Variants in PDE4D observed in about 807,000 individuals in gnomAD.
PDE4D encodes the protein phosphodiesterase 4D.
Under a neutral mutation model 87.4 loss-of-function variants are expected in PDE4D, and 24 were observed. That is an observed-to-expected ratio of 0.27 (90% CI 0.20 to 0.39). PDE4D has a LOEUF of 0.39. PDE4D is among the 10% of genes least tolerant of loss of function. The pLI, the probability that PDE4D is intolerant of heterozygous loss-of-function variation, is 1.00. For synonymous variants in PDE4D, 384 were observed against 383.2 expected (o/e 1.00, Z -0.02); for missense variants, 714 against 1,041.0 (o/e 0.69, Z 4.32).
intron 2 of PDE4D, among the ~76,000 whole-genome samples, chr5:60,135,081 C>T (rs1779922895): frequency 6.6e-6 from 1 of 152,180 alleles, no homozygotes; most frequent in Non-Finnish European, 1.5e-5. Context: ...AATGTATATT[C>T]TAAGACCTAA....
chr5:59,747,014 C>G (rs557160176), intron 1 of PDE4D, among the ~76,000 whole-genome samples: 1 of 152,154 alleles, frequency 6.6e-6, no homozygotes, highest in Non-Finnish European at 1.5e-5. Flanking sequence ...CTCTCTCCAG[C>G]GCAAACTCTT....
Position 59,276,475 on chromosome 5 carries a change from C to T in PDE4D, c.456-60507G>A, listed in dbSNP as rs544093468. On this transcript the variant is annotated intron_variant, in intron 1 of 14. Transcript: ENST00000340635. ...CTCTTTAGAAGCAAAGTTGAGAGAA[C>T]TTGATGACTTAGCAGCTGTTCATTT... is the stretch of plus-strand genomic sequence containing the variant. Among the ~76,000 whole-genome samples the T allele has an allele frequency of 5.3e-5, 8 of 152,232 alleles. No homozygotes were observed. The East Asian group carries it at 9.7e-4, about 18-fold the overall frequency.
chr5:59,849,019 C>A, intron 1 of PDE4D, among the ~76,000 whole-genome samples: 1 of 151,940 alleles, frequency 6.6e-6, no homozygotes, highest in East Asian at 1.9e-4. Context: ...TCATACAACT[C>A]GGCGCTGTGA....
intron 2 of PDE4D, among the ~76,000 whole-genome samples, chr5:60,128,852 C>T (rs1251671614): frequency 6.6e-6 from 1 of 152,146 alleles, no homozygotes; most frequent in African/African-American, 2.4e-5. Context: ...AACCAAATAG[C>T]AGTTAATTTG....
At chr5:59,789,197 GT>G (rs1765510270) in intron 1 of PDE4D, among the ~76,000 whole-genome samples, 1 of 152,212 alleles carries the variant, frequency 6.6e-6, no homozygotes, top group Non-Finnish European at 1.5e-5. Context: ...GTTGTTTCAA[GT>G]GGTGAAGACC....
At chr5:59,429,098 T>C (rs1054265716) in intron 1 of PDE4D, among the ~76,000 whole-genome samples, 9 of 150,654 alleles carry the variant, frequency 6.0e-5, no homozygotes, top group Non-Finnish European at 8.8e-5. Flanking sequence ...AAAAGTTGAT[T>C]ACTTTAAAGC....
intron 5 of PDE4D, 179 bp from the exon 6 acceptor site, chr5:59,039,150 G>C: frequency 7.4e-7 from 1 of 1,356,874 alleles, no homozygotes; most frequent in East Asian, 3.0e-5. Context: ...GGCTGTGCTC[G>C]CGGGGCGGCC....
At chr5:59,643,536 A>G (rs1741954568) in intron 1 of PDE4D, among the ~76,000 whole-genome samples, 1 of 152,230 alleles carries the variant, frequency 6.6e-6, no homozygotes, top group South Asian at 2.1e-4. Flanking sequence ...AATTTACTAA[A>G]TTGTGTAATT....
intron 1 of PDE4D, among the ~76,000 whole-genome samples, chr5:59,319,542 A>T (rs1774348121): frequency 6.6e-6 from 1 of 152,164 alleles, no homozygotes; most frequent in South Asian, 2.1e-4. Context: ...TGGAAATTAC[A>T]TAGCTATGGC....
chr5:59,626,742 A>G (rs1245479280), intron 1 of PDE4D, among the ~76,000 whole-genome samples: 1 of 152,212 alleles, frequency 6.6e-6, no homozygotes, highest in African/African-American at 2.4e-5. Context: ...GAATAGAGTC[A>G]ATATTTTGAT....
chr5:59,327,796 G>C (rs1407748813), intron 1 of PDE4D, among the ~76,000 whole-genome samples: 1 of 152,144 alleles, frequency 6.6e-6, no homozygotes, highest in African/African-American at 2.4e-5. Flanking sequence ...CAGGAAATTT[G>C]GTTTCTAGTC....
At chr5:60,095,994 C>A (rs1456708765) in intron 2 of PDE4D, among the ~76,000 whole-genome samples, 3 of 151,986 alleles carry the variant, frequency 2.0e-5, no homozygotes, top group Non-Finnish European at 2.9e-5. Flanking sequence ...TGGATATTAG[C>A]CCTTTGTCAG....
At chr5:59,322,112 A>T (rs1774825167) in intron 1 of PDE4D, among the ~76,000 whole-genome samples, 1 of 152,146 alleles carries the variant, frequency 6.6e-6, no homozygotes, top group Admixed American at 6.6e-5. Context: ...TGGGCCACAT[A>T]AATTCTCAGG....
intron 1 of PDE4D, among the ~76,000 whole-genome samples, chr5:60,261,906 G>A (rs774946817): frequency 3.3e-5 from 5 of 152,054 alleles, no homozygotes; most frequent in Admixed American, 6.6e-5. Flanking sequence ...ATTGACCAGA[G>A]GAAGTGAAAT....
chr5:60,295,722 C>T (rs1753319733), intron 1 of PDE4D, among the ~76,000 whole-genome samples: 1 of 152,160 alleles, frequency 6.6e-6, no homozygotes, highest in Admixed American at 6.5e-5. Flanking sequence ...GGCACAAACA[C>T]AGGAGATTAC....
intron 1 of PDE4D, among the ~76,000 whole-genome samples, chr5:59,499,892 A>C (rs1037926329): frequency 6.6e-6 from 1 of 152,142 alleles, no homozygotes; most frequent in Non-Finnish European, 1.5e-5. Flanking sequence ...AAAAAAAAAA[A>C]AAAATCAAGG....
intron 1 of PDE4D, among the ~76,000 whole-genome samples, chr5:60,196,341 A>G (rs1207618373): frequency 1.3e-5 from 2 of 151,672 alleles, no homozygotes; most frequent in African/African-American, 4.8e-5. Flanking sequence ...ACCCTAATTA[A>G]AAGTCCAGGG....
At chr5:59,118,043 A>G (rs1478373732) in intron 5 of PDE4D, among the ~76,000 whole-genome samples, 1 of 152,188 alleles carries the variant, frequency 6.6e-6, no homozygotes, top group Non-Finnish European at 1.5e-5. Flanking sequence ...CACACATTAA[A>G]GTGTAGGCTC....
At chr5:59,722,261 A>G (rs963412333) in intron 1 of PDE4D, among the ~76,000 whole-genome samples, 2 of 152,232 alleles carry the variant, frequency 1.3e-5, no homozygotes, top group African/African-American at 4.8e-5. Context: ...GACATAAATA[A>G]GATGCTTTTG....
Sources: allele counts gnomAD v4.1 joint callset (sites outside exome capture counted in the v4.1 genomes callset), GRCh38; gene constraint gnomAD v4.1.1; transcripts MANE v1.5; gene names NCBI Gene and HGNC (gene_info 2026-07-23, HGNC 2026-07-21).